Variants in PRKCH observed in about 807,000 individuals in gnomAD.
PRKCH encodes protein kinase C eta.
In PRKCH, 28 loss-of-function variants were observed where a neutral mutation model predicts 82.5. The observed-to-expected ratio is 0.34, with a 90% CI of 0.25 to 0.47. The LOEUF (loss-of-function observed/expected upper bound fraction) is 0.47. Among genes scored for constraint, PRKCH ranks in the 20% least tolerant of loss-of-function variants. PRKCH has a pLI of 1.00. For synonymous variants in PRKCH, 322 were observed against 327.4 expected (o/e 0.98, Z 0.18); for missense variants, 705 against 881.8 (o/e 0.80, Z 2.54).
chr14:61,322,500 C>T (rs992067069), intron 1 of PRKCH, 36 bp downstream of exon 1: 2 of 1,567,670 alleles, frequency 1.3e-6, no homozygotes, highest in East Asian at 4.6e-5. Context: ...TGTGTCCACC[C>T]AACCCCCGTT....
chr14:61,482,536 C>G (rs1372109637), intron 9 of PRKCH, among the ~76,000 whole-genome samples: 3 of 152,082 alleles, frequency 2.0e-5, no homozygotes, highest in Non-Finnish European at 4.4e-5. Context: ...TAGGATGGAC[C>G]AGTACTCTGC....
At chr14:61,254,778 T>G (rs2044982556) in intron 1 of PRKCH, among the ~76,000 whole-genome samples, 1 of 152,204 alleles carries the variant, frequency 6.6e-6, no homozygotes, top group Admixed American at 6.5e-5. Flanking sequence ...TGTATGAATA[T>G]TTCTTCCAAA....
intron 1 of PRKCH, among the ~76,000 whole-genome samples, chr14:61,378,500 C>T (rs895945289): frequency 1.3e-5 from 2 of 152,126 alleles, no homozygotes; most frequent in Admixed American, 6.5e-5. Context: ...GCCGCCACAC[C>T]CAGCACTGAA....
Position 61,457,547 on chromosome 14 carries a change from T to C in PRKCH, c.1146T>C (p.Ala382=). Residue 382 remains alanine, a synonymous_variant, in exon 9 of 14, where the codon GCT becomes GCC. Coordinates refer to ENST00000332981, the MANE Select transcript of PRKCH (RefSeq NM_006255.5). The part of the protein sequence containing the change: ...ARVKETGDLY[A]VKVLKKDVIL... Reference sequence around the variant, plus strand: ...TAAAAGAAACAGGAGACCTCTATGCTGTGAAGGTGCTGAAGAAGGACGTGA... The same window carrying C: ...TAAAAGAAACAGGAGACCTCTATGCCGTGAAGGTGCTGAAGAAGGACGTGA... 1 of 1,614,152 alleles carries C rather than the reference T, an allele frequency of 6.2e-7. No homozygotes were observed. The highest frequency in any genetic ancestry group is 1.7e-5 in the Admixed American group (1 of 60,026).
At chr14:61,440,898 T>A (rs1007183135) in intron 2 of PRKCH, among the ~76,000 whole-genome samples, 4 of 149,572 alleles carry the variant, frequency 2.7e-5, no homozygotes, top group African/African-American at 4.9e-5. Flanking sequence ...AATAAAAAAT[T>A]ATTATTGAAA....
At chr14:61,306,477 T>G (rs2045486504) in intron 1 of PRKCH, 2 of 152,242 alleles carry the variant, frequency 1.3e-5, no homozygotes, top group Admixed American at 1.3e-4. Flanking sequence ...TTCCTTTTAG[T>G]CTACTTGGTG....
rs1204098949 is a variant in PRKCH at position 61,280,677 on chromosome 14, C to T, written c.-19+93009C>T. 1 of 1,573,884 alleles carries T rather than the reference C, an allele frequency of 6.4e-7. No homozygotes were observed. Among genetic ancestry groups the T allele is most frequent in the South Asian group, 1.2e-5 (1 of 86,874 alleles). On this transcript the variant is annotated intron_variant, in intron 1 of 3. Transcript: ENST00000555185. The surrounding 1 kb of genome is among the most constrained non-coding windows in gnomAD (Gnocchi z 5.0). ...CGATGGCGCCGCAGGGCGCGATGGG[C>T]AGGCCGGCCGCGCTGCGCTGGTAGG...
chr14:61,312,428 G>A (rs1341997356), intron 1 of PRKCH, among the ~76,000 whole-genome samples: 1 of 152,140 alleles, frequency 6.6e-6, no homozygotes, highest in Non-Finnish European at 1.5e-5. Flanking sequence ...ACAATATATT[G>A]AGAAAGTCTA....
chr14:61,484,265 C>T (rs1263668632), intron 9 of PRKCH, among the ~76,000 whole-genome samples: 1 of 147,002 alleles, frequency 6.8e-6, no homozygotes, highest in African/African-American at 2.5e-5. Flanking sequence ...CAGGATTTAC[C>T]AGAATTTGTC....
At chr14:61,276,020 A>G (rs2045198338) in intron 1 of PRKCH, among the ~76,000 whole-genome samples, 1 of 152,208 alleles carries the variant, frequency 6.6e-6, no homozygotes. Context: ...TTGTATTACT[A>G]ACAATCAAGT....
chr14:61,469,492 G>T (rs995117026), intron 9 of PRKCH, among the ~76,000 whole-genome samples: 7 of 152,298 alleles, frequency 4.6e-5, no homozygotes, highest in African/African-American at 1.7e-4. Context: ...GCTGCAGATG[G>T]TTCCCTAGGA....
chr14:61,367,482 T>C (rs1024704916), intron 1 of PRKCH, among the ~76,000 whole-genome samples: 2 of 151,894 alleles, frequency 1.3e-5, no homozygotes, highest in African/African-American at 4.9e-5. Flanking sequence ...GGTGCTGTTC[T>C]GGTCTTGTGA....
intron 9 of PRKCH, among the ~76,000 whole-genome samples, chr14:61,458,866 A>G (rs142015456): frequency 5.3e-5 from 8 of 152,210 alleles, no homozygotes; most frequent in African/African-American, 1.2e-4. Context: ...TCATGATCCA[A>G]TCACCTCCCA....
intron 1 of PRKCH, among the ~76,000 whole-genome samples, chr14:61,267,619 C>T (rs2140083939): frequency 6.6e-6 from 1 of 152,308 alleles, no homozygotes; most frequent in East Asian, 1.9e-4. Context: ...TCGTTTACAT[C>T]AGAGGAGTGA....
intron 1 of PRKCH, among the ~76,000 whole-genome samples, chr14:61,331,429 G>C (rs1386267651): frequency 6.6e-6 from 1 of 152,166 alleles, no homozygotes. Flanking sequence ...TGAGGCAGGA[G>C]GATTGCTTGA....
intron 2 of PRKCH, among the ~76,000 whole-genome samples, chr14:61,405,669 T>A (rs1339881262): frequency 6.6e-6 from 1 of 152,218 alleles, no homozygotes; most frequent in Non-Finnish European, 1.5e-5. Flanking sequence ...AGCGCCACCA[T>A]GCCTGGCCAA....
intron 4 of PRKCH, 28 bp downstream of exon 4, chr14:61,445,754 T>C: frequency 6.3e-7 from 1 of 1,582,152 alleles, no homozygotes; most frequent in South Asian, 1.1e-5. Context: ...AAACCATGTT[T>C]CATTTTGTTC....
chr14:61,262,004 G>A (rs1391644508), intron 1 of PRKCH, among the ~76,000 whole-genome samples: 1 of 151,900 alleles, frequency 6.6e-6, no homozygotes, highest in African/African-American at 2.4e-5. Context: ...GGCAAATCAC[G>A]AGGTCAGGAG....
At chr14:61,400,545 A>C (rs1358736518) in intron 2 of PRKCH, among the ~76,000 whole-genome samples, 3 of 152,180 alleles carry the variant, frequency 2.0e-5, no homozygotes, top group Non-Finnish European at 4.4e-5. Context: ...AAACGGGCGA[A>C]TGATGTTTTT....
Sources: allele counts gnomAD v4.1 joint callset (sites outside exome capture counted in the v4.1 genomes callset), GRCh38; gene constraint gnomAD v4.1.1; non-coding constraint Gnocchi (gnomAD v3.1); transcripts MANE v1.5; gene names NCBI Gene and HGNC (gene_info 2026-07-23, HGNC 2026-07-21).